ATG4A: variants seen among roughly 807,000 people sequenced by gnomAD.
ATG4A encodes autophagy related 4A cysteine peptidase.
ATG4A carries 22 observed loss-of-function variants against 38.4 expected under a neutral mutation model. The ratio of observed to expected loss-of-function variants is 0.57; its 90% CI spans 0.41 to 0.82. The LOEUF (loss-of-function observed/expected upper bound fraction) is 0.82, where lower values mean the gene tolerates loss of function less well. ATG4A is among the 40% of genes least tolerant of loss of function. ATG4A has a pLI of 0.00. For missense variants in ATG4A, 220 were observed against 290.0 expected (o/e 0.76, Z 1.75); for synonymous variants, 86 against 100.7 (o/e 0.85, Z 0.88).
rs2033042902 is a variant in ATG4A at position 108,134,391 on chromosome X, T to C, written c.447T>C (p.Asn149=). 5.8e-6 allele frequency: 7 copies of C among 1,209,020 alleles called. No homozygotes were observed. In the East Asian group the frequency reaches 1.5e-4, roughly 26 times the overall value. Residue 149 remains asparagine (N), a synonymous_variant, in exon 6 of 13, where the codon AAT becomes AAC. Transcript: ENST00000372232. The stretch of plus-strand genomic sequence containing the variant: ...CAATTGGAGAATGGTTTGGACCAAA[T>C]ACAGTTGCACAGGTGTTAAAGTAAG... ...GKSIGEWFGP[N]TVAQVLKKLA... is the part of the protein sequence containing the mutation.
intron 1 of ATG4A, among the ~76,000 whole-genome samples, chrX:108,092,775 G>A (rs1390324459): frequency 9.0e-6 from 1 of 111,507 alleles, no homozygotes; most frequent in Middle Eastern, 4.6e-3. Flanking sequence ...CTTTTTAGGG[G>A]ATAATATTTT....
At chrX:108,091,758 A>G (rs2031630079), upstream of ATG4A, 3 of 1,183,028 alleles carry the variant, frequency 2.5e-6, no homozygotes, top group Admixed American at 6.5e-5. Context: ...TACAAGTCCC[A>G]GGGATCCTAG....
At chrX:108,131,846 T>A (rs574720911) in intron 4 of ATG4A, among the ~76,000 whole-genome samples, 1 of 112,008 alleles carries the variant, frequency 8.9e-6, no homozygotes, top group African/African-American at 3.2e-5. Context: ...AATCTTTAAA[T>A]TTGCTTCCTT....
chrX:108,117,513 C>A (rs1159855957), intron 1 of ATG4A, among the ~76,000 whole-genome samples: 4 of 111,665 alleles, frequency 3.6e-5, no homozygotes, highest in African/African-American at 1.3e-4. Flanking sequence ...AAGATAGAAT[C>A]TCCTCCGTAT....
chrX:108,090,210 C>G (rs986251244), upstream of ATG4A, among the ~76,000 whole-genome samples: 1 of 112,141 alleles, frequency 8.9e-6, no homozygotes, highest in African/African-American at 3.2e-5. Flanking sequence ...TTAACACTAA[C>G]TCCTTTAGAA....
rs1036436059 is a variant in ATG4A, at chrX:108,137,014, C to G, written c.468-77C>G. 6 of 880,357 alleles carry G rather than the reference C, an allele frequency of 6.8e-6. No homozygotes were observed. In the African/African-American group the frequency reaches 1.2e-4, roughly 17 times the overall value. 72.6% of individuals were successfully genotyped at this position (880,357 alleles called of 1,213,427 possible). ...TCAGTGTTTGGTGACTTTAGGAACA[C>G]TGGGCATAAATTGTACTGTTTTCTG... On this transcript the variant is annotated intron_variant, in intron 6 of 12. Coordinates refer to ENST00000372232, the MANE Select transcript of ATG4A (RefSeq NM_052936.5).
intron 1 of ATG4A, among the ~76,000 whole-genome samples, chrX:108,123,932 A>G (rs2032728950): frequency 8.9e-6 from 1 of 112,542 alleles, no homozygotes; most frequent in Admixed American, 9.4e-5. Flanking sequence ...ACATTCATCC[A>G]ATGCCATCCA....
At chrX:108,133,974 C>T in intron 4 of ATG4A, 83 bp from the exon 5 acceptor site, 1 of 772,254 alleles carries the variant, frequency 1.3e-6, no homozygotes, top group Non-Finnish European at 1.8e-6. Flanking sequence ...TGTTTTTCTT[C>T]TAACTTTGTA....
At chrX:108,130,763 G>A (rs2032933100) in intron 3 of ATG4A, among the ~76,000 whole-genome samples, 1 of 111,794 alleles carries the variant, frequency 8.9e-6, no homozygotes, top group Non-Finnish European at 1.9e-5. Context: ...GATCTTCATA[G>A]TGTATATTCA....
chrX:108,146,680 C>G, intron 9 of ATG4A, among the ~76,000 whole-genome samples: 1 of 111,715 alleles, frequency 9.0e-6, no homozygotes, highest in East Asian at 2.8e-4. Context: ...CTGGACCCTC[C>G]CAGCTGGGAT....
intron 9 of ATG4A, among the ~76,000 whole-genome samples, chrX:108,143,037 G>A (rs1041544299): frequency 2.7e-5 from 3 of 111,775 alleles, no homozygotes; most frequent in East Asian, 2.8e-4. Flanking sequence ...AACTGGAAAC[G>A]CACCAATCCC....
intron 1 of ATG4A, among the ~76,000 whole-genome samples, chrX:108,121,506 C>T (rs1301998529): frequency 9.0e-6 from 1 of 110,622 alleles, no homozygotes; most frequent in Non-Finnish European, 1.9e-5. Context: ...TCTCACTCTC[C>T]CCTGCCCCAC....
intron 9 of ATG4A, among the ~76,000 whole-genome samples, chrX:108,149,859 C>A (rs988132599): frequency 1.8e-5 from 2 of 112,487 alleles, no homozygotes; most frequent in African/African-American, 6.5e-5. Context: ...ACAGAGCCTG[C>A]CATGCCATCT....
At chrX:108,145,837 T>A (rs2033409137) in intron 9 of ATG4A, among the ~76,000 whole-genome samples, 1 of 112,220 alleles carries the variant, frequency 8.9e-6, no homozygotes, top group African/African-American at 3.2e-5. Context: ...ATTCTGGCAC[T>A]GGGGAAATGA....
At chrX:108,150,542 C>G (rs746259371) in intron 10 of ATG4A, among the ~76,000 whole-genome samples, 71 of 112,756 alleles carry the variant, frequency 6.3e-4, no homozygotes, top group African/African-American at 2.2e-3. Context: ...ATACCTGAGG[C>G]TGGGTAATTT....
chrX:108,153,371 G>A lies in ATG4A; in HGVS notation c.1127-271G>A, dbSNP rs2033634579. Reference sequence around the variant, plus strand: ...GTCTGGTTCAGAATAGCAAATTGAGGCCATCGATAATTCAAAGGTATCTTG... The same window carrying A: ...GTCTGGTTCAGAATAGCAAATTGAGACCATCGATAATTCAAAGGTATCTTG... On this transcript the variant is annotated intron_variant, in intron 12 of 12. Coordinates refer to ENST00000372232, the MANE Select transcript of ATG4A (RefSeq NM_052936.5). Among the ~76,000 whole-genome samples, 3 of 112,197 alleles carry A rather than the reference G, an allele frequency of 2.7e-5. No homozygotes were observed. The South Asian group carries it at 1.1e-3, about 42-fold the overall frequency.
intron 1 of ATG4A, among the ~76,000 whole-genome samples, chrX:108,113,223 G>T (rs1443880488): frequency 8.9e-6 from 1 of 112,022 alleles, no homozygotes; most frequent in African/African-American, 3.3e-5. Context: ...CTTCTTTCAA[G>T]CTCCTTGCAC....
chrX:108,097,232 T>G (rs1907767010), intron 1 of ATG4A, among the ~76,000 whole-genome samples: 2 of 112,100 alleles, frequency 1.8e-5, no homozygotes, highest in South Asian at 7.4e-4. Context: ...CAGGCAATTC[T>G]ACTCCAAAGT....
upstream of ATG4A, among the ~76,000 whole-genome samples, chrX:108,090,031 T>TA (rs1386381103): frequency 8.9e-6 from 1 of 112,008 alleles, no homozygotes; most frequent in African/African-American, 3.2e-5. Flanking sequence ...GCCTACTGCT[T>TA]AGATTTAACA....
Sources: allele counts gnomAD v4.1 joint callset (sites outside exome capture counted in the v4.1 genomes callset), GRCh38; gene constraint gnomAD v4.1.1; transcripts MANE v1.5; gene names NCBI Gene and HGNC (gene_info 2026-07-23, HGNC 2026-07-21).